The following ANO3 variants were observed in gnomAD, a reference collection of about 807,000 sequenced individuals.
ANO3 encodes the protein anoctamin-3.
In ANO3, 99 loss-of-function variants were observed where a neutral mutation model predicts 144.8. The ratio of observed to expected loss-of-function variants is 0.68; its 90% CI spans 0.58 to 0.81. The LOEUF is 0.81. Ranked by LOEUF, ANO3 falls within the 30% of genes least tolerant of loss-of-function variation. The probability of loss-of-function intolerance (pLI) is 0.00; values close to 1 mark genes in which losing one functional copy is unlikely to be tolerated. For missense variants in ANO3, 905 were observed against 1,202.2 expected, an observed-to-expected ratio of 0.75 and a Z score of 3.66; for synonymous variants, 414 against 392.6, an observed-to-expected ratio of 1.05 and a Z score of -0.64.
At chr11:26,550,399 A>T (rs1159660455) in intron 12 of ANO3, among the ~76,000 whole-genome samples, 1 of 151,926 alleles carries the variant, frequency 6.6e-6, no homozygotes, top group Non-Finnish European at 1.5e-5. Flanking sequence ...TACATAACTG[A>T]AACTTTTTAT....
chr11:26,585,602 T>C (rs1851252960), intron 14 of ANO3, among the ~76,000 whole-genome samples: 1 of 152,110 alleles, frequency 6.6e-6, no homozygotes, highest in Admixed American at 6.5e-5. Context: ...TCTACCTATC[T>C]CCAGGATACT....
chr11:26,578,665 C>T (rs1448672884), intron 14 of ANO3, among the ~76,000 whole-genome samples: 5 of 152,056 alleles, frequency 3.3e-5, no homozygotes, highest in Non-Finnish European at 4.4e-5. Flanking sequence ...TTAAAAAGTA[C>T]GATTATATTA....
At chr11:26,372,518 TC>T (rs1856290465) in intron 1 of ANO3, among the ~76,000 whole-genome samples, 1 of 152,230 alleles carries the variant, frequency 6.6e-6, no homozygotes, top group Non-Finnish European at 1.5e-5. Flanking sequence ...TAAAGCATCT[TC>T]ACTGGATAAA....
At chr11:26,489,594 T>C (rs1183847626) in intron 4 of ANO3, among the ~76,000 whole-genome samples, 1 of 152,192 alleles carries the variant, frequency 6.6e-6, no homozygotes, top group Non-Finnish European at 1.5e-5. Context: ...CACTAGTGCA[T>C]GAAAGCATCC....
At chr11:26,618,151 T>A (rs1852313230) in intron 17 of ANO3, among the ~76,000 whole-genome samples, 1 of 152,188 alleles carries the variant, frequency 6.6e-6, no homozygotes, top group Non-Finnish European at 1.5e-5. Context: ...CAAAATTGCT[T>A]TTCAAATATA....
intron 12 of ANO3, 30 bp from the exon 13 acceptor site, chr11:26,553,219 G>GT (rs201093158): frequency 0.011 from 13,231 of 1,190,942 alleles, 748 homozygotes; most frequent in South Asian, 0.026. Flanking sequence ...GCTATGTTTT[G>GT]TTTTGTTTTT....
chr11:26,302,837 C>T (rs1854268441), intron 1 of ANO3, among the ~76,000 whole-genome samples: 1 of 152,050 alleles, frequency 6.6e-6, no homozygotes, highest in African/African-American at 2.4e-5. Flanking sequence ...TATAAAATTT[C>T]CTAGTAACTT....
At chr11:26,450,629 A>G (rs1279086603) in intron 3 of ANO3, among the ~76,000 whole-genome samples, 1 of 152,200 alleles carries the variant, frequency 6.6e-6, no homozygotes, top group African/African-American at 2.4e-5. Flanking sequence ...ACTTGGGTAC[A>G]CACCATCTTT....
intron 1 of ANO3, among the ~76,000 whole-genome samples, chr11:26,344,965 C>G (rs1200318874): frequency 1.3e-5 from 2 of 151,952 alleles, no homozygotes; most frequent in South Asian, 2.1e-4. Context: ...TTTACATGCT[C>G]TAAAGAAACA....
rs190931329 is a variant in ANO3, at chr11:26,651,930, G to A, written c.2576+4074G>A. Among the ~76,000 whole-genome samples, 51 of 152,254 alleles carry A rather than the reference G, an allele frequency of 3.3e-4. 2 individuals are homozygous for A. In the East Asian group the frequency reaches 5.8e-3, roughly 17 times the overall value. On this transcript the variant is annotated intron_variant, in intron 24 of 26. Transcript: ENST00000256737. The stretch of plus-strand genomic sequence containing the variant: ...CTTTGAACTCACCTGGATCTCTAAA[G>A]CATTGGTCATAATAACTCATTCTTG...
intron 1 of ANO3, among the ~76,000 whole-genome samples, chr11:26,266,432 A>ATTTTT (rs201955022): frequency 7.4e-6 from 1 of 134,264 alleles, no homozygotes; most frequent in Non-Finnish European, 1.6e-5. Context: ...AACAAATGTA[A>ATTTTT]TTTTTTTTTT....
At chr11:26,441,123 T>TG (rs1554954663) in intron 1 of ANO3, among the ~76,000 whole-genome samples, 54 of 123,642 alleles carry the variant, frequency 4.4e-4, no homozygotes, top group African/African-American at 1.5e-3. Context: ...TTTTTTTTTT[T>TG]TTTTTTTTTT....
intron 1 of ANO3, among the ~76,000 whole-genome samples, chr11:26,419,110 T>C (rs550240628): frequency 1.7e-4 from 23 of 136,014 alleles, no homozygotes; most frequent in Non-Finnish European, 2.9e-4. Flanking sequence ...CTTACAATCA[T>C]GGCAGAAGGC....
intron 3 of ANO3, among the ~76,000 whole-genome samples, chr11:26,455,252 G>A (rs1379429808): frequency 6.7e-6 from 1 of 149,884 alleles, no homozygotes; most frequent in Non-Finnish European, 1.5e-5. Context: ...GGAAATAAAT[G>A]GTATTCAATT....
At chr11:26,332,070 C>T (rs1034682378), upstream of ANO3, 2 of 1,421,882 alleles carry the variant, frequency 1.4e-6, no homozygotes, top group African/African-American at 1.4e-5. Flanking sequence ...CTAAGGGGAG[C>T]CGGACGCTAG....
At chr11:26,468,323 G>A (rs1859671181) in intron 4 of ANO3, among the ~76,000 whole-genome samples, 1 of 151,978 alleles carries the variant, frequency 6.6e-6, no homozygotes, top group Non-Finnish European at 1.5e-5. Context: ...TGCCATTAAT[G>A]AGTCTGAGAA....
intron 1 of ANO3, among the ~76,000 whole-genome samples, chr11:26,214,320 T>A (rs1851994682): frequency 6.6e-6 from 1 of 151,954 alleles, no homozygotes; most frequent in South Asian, 2.1e-4. Context: ...TAGGGTAGGA[T>A]GGAACCTTCC....
At chr11:26,367,056 G>T (rs1856111795) in intron 1 of ANO3, among the ~76,000 whole-genome samples, 1 of 152,174 alleles carries the variant, frequency 6.6e-6, no homozygotes, top group Non-Finnish European at 1.5e-5. Context: ...CTAGCCATAT[G>T]TAGAAAGCTG....
intron 1 of ANO3, among the ~76,000 whole-genome samples, chr11:26,203,823 C>G (rs971406429): frequency 6.6e-6 from 1 of 152,060 alleles, no homozygotes; most frequent in Non-Finnish European, 1.5e-5. Context: ...ACAGTCTTAA[C>G]TCCTACAAAA....
Sources: gnomAD v4.1 joint callset for allele counts (sites outside exome capture counted in the v4.1 genomes callset) on GRCh38, gnomAD v4.1.1 for gene constraint, MANE v1.5 for transcripts, NCBI Gene and HGNC (gene_info 2026-07-23, HGNC 2026-07-21) for gene names.